Variants in TMEM156 observed in about 807,000 individuals in gnomAD.
The protein encoded by TMEM156 is transmembrane protein 156.
TMEM156 carries 28 observed loss-of-function variants against 30.5 expected under a neutral mutation model. The ratio of observed to expected loss-of-function variants is 0.92; its 90% CI spans 0.68 to 1.26. The LOEUF is 1.26. TMEM156 is among the 50% of genes most tolerant of loss of function. The pLI is 0.00. For synonymous variants in TMEM156, 137 were observed against 119.9 expected, an observed-to-expected ratio of 1.14 and a Z score of -0.93; for missense variants, 351 against 340.6, an observed-to-expected ratio of 1.03 and a Z score of -0.24.
intron 2 of TMEM156, among the ~76,000 whole-genome samples, chr4:38,996,780 C>T (rs576455317): frequency 6.6e-6 from 1 of 152,198 alleles, no homozygotes; most frequent in East Asian, 1.9e-4. Context: ...ATCAGCATCC[C>T]GAAGACACAA....
At position 38,973,957 on chromosome 4, in the gene TMEM156, T is replaced by A. The variant is rs565706335; in HGVS notation, c.824-2820A>T. On this transcript the variant is annotated intron_variant, in intron 5 of 6. Transcript: ENST00000381938. ...ATGCATTTTTAGTATAACCAACCAT[T>A]TATCTCTTTACATCTATAAATATGA... Among the ~76,000 whole-genome samples the A allele has an allele frequency of 4.6e-5, 7 of 152,258 alleles. No individual in the cohort carries two copies. In the South Asian group the frequency reaches 1.2e-3, roughly 27 times the overall value.
intron 1 of TMEM156, among the ~76,000 whole-genome samples, chr4:39,027,758 C>CTTTTTTT (rs112766367): frequency 3.3e-5 from 4 of 120,788 alleles, no homozygotes; most frequent in South Asian, 2.6e-4. Flanking sequence ...TTTTCTTTTT[C>CTTTTTTT]TTTTTTTTTT....
intron 5 of TMEM156, among the ~76,000 whole-genome samples, chr4:38,972,503 G>A (rs1038762304): frequency 6.7e-6 from 1 of 150,226 alleles, no homozygotes; most frequent in Non-Finnish European, 1.5e-5. Context: ...CACCTGCCTC[G>A]GCCTCCCAAA....
intron 5 of TMEM156, among the ~76,000 whole-genome samples, chr4:38,979,621 T>C (rs1233414823): frequency 6.6e-6 from 1 of 152,214 alleles, no homozygotes; most frequent in East Asian, 1.9e-4. Flanking sequence ...ATGATGTCCC[T>C]AGCTCCTTCT....
rs187611317 is a variant in TMEM156, at chr4:38,991,065, C to T, written c.620-2095G>A. ...AGTCAGGCTGGTCTCGAACTCTTGACCCCAAGTGATCCACCCACCTTGGCC... is the reference window on the plus strand; with the variant it reads ...AGTCAGGCTGGTCTCGAACTCTTGATCCCAAGTGATCCACCCACCTTGGCC... On this transcript the variant is annotated intron_variant, in intron 3 of 6. Coordinates refer to ENST00000381938, the MANE Select transcript of TMEM156 (RefSeq NM_024943.3). Among the ~76,000 whole-genome samples the T allele has an allele frequency of 9.2e-4, 140 of 151,530 alleles. 2 individuals are homozygous for T. The highest frequency in any genetic ancestry group is 3.3e-3 in the African/African-American group (137 of 41,362).
intron 5 of TMEM156, among the ~76,000 whole-genome samples, chr4:38,979,412 G>A (rs1252605537): frequency 6.6e-6 from 1 of 152,228 alleles, no homozygotes; most frequent in Non-Finnish European, 1.5e-5. Context: ...AGGCTAAAAG[G>A]AGGAAAATAA....
rs1254028670 is a variant in TMEM156 at position 38,993,924 on chromosome 4, C to T, written c.433G>A (p.Val145Ile). ...TCCAAGTGGTCAACCAGAGGAGCTA[C>T]ACTGAAGTTAAAGTGCTGACAAGGT... is the stretch of plus-strand genomic sequence containing the variant. Reference protein sequence around the residue: ...HSPCQHFNFSVAPLVDHLEEY... With the variant: ...HSPCQHFNFSIAPLVDHLEEY... The change falls in exon 3 of 7, where the codon GTA becomes ATA. Residue 145 changes from valine to isoleucine, a missense_variant. Physicochemically the swap from Val to Ile is conservative, Grantham distance 29. Coordinates refer to ENST00000381938, the MANE Select transcript of TMEM156 (RefSeq NM_024943.3). 1 of 1,614,096 alleles carries T rather than the reference C, an allele frequency of 6.2e-7. No individual in the cohort carries two copies. The highest frequency in any genetic ancestry group is 8.5e-7 in the Non-Finnish European group (1 of 1,179,984).
chr4:38,982,107 G>A (rs540604063), intron 5 of TMEM156, among the ~76,000 whole-genome samples: 73 of 152,290 alleles, frequency 4.8e-4, no homozygotes, highest in Non-Finnish European at 7.6e-4. Flanking sequence ...AATCAGCAGC[G>A]ATGGAGGCCA....
chr4:38,971,043 A>T lies in TMEM156; in HGVS notation c.*27T>A. 6.2e-7 allele frequency: 1 copy of T among 1,602,252 alleles called. No individual in the cohort carries two copies. The highest frequency in any genetic ancestry group is 2.2e-5 in the East Asian group (1 of 44,764). On this transcript the variant is annotated 3_prime_UTR_variant, in exon 6 of 7. Coordinates refer to ENST00000381938, the MANE Select transcript of TMEM156 (RefSeq NM_024943.3). ...GAATCATCACTCACCGTGTATATTG[A>T]TCTCACTGATGCACTGTGGAAGTAA...
intron 1 of TMEM156, among the ~76,000 whole-genome samples, chr4:39,026,921 T>C (rs1280147364): frequency 1.3e-5 from 2 of 152,108 alleles, no homozygotes; most frequent in Non-Finnish European, 1.5e-5. Context: ...AGTAAGCTGT[T>C]GTCTCAAAAA....
chr4:38,993,711 T>A (rs1712707052), intron 3 of TMEM156, 27 bp downstream of exon 3: 2 of 1,597,306 alleles, frequency 1.3e-6, no homozygotes, highest in African/African-American at 2.7e-5. Context: ...ATAACTCCTT[T>A]TCCCTTTAGT....
Position 38,976,012 on chromosome 4 carries a change from C to T in TMEM156, c.824-4875G>A, listed in dbSNP as rs7656818. Among the ~76,000 whole-genome samples the T allele has an allele frequency of 4.6e-5, 7 of 151,928 alleles. No homozygotes were observed. The South Asian group carries it at 1.2e-3, about 27-fold the overall frequency. ...TTAAAGAAGCAAACTGCAGGCTGGGCGCAGTGGCTCACGACTGTAATCCCA... is the reference window on the plus strand; with the variant it reads ...TTAAAGAAGCAAACTGCAGGCTGGGTGCAGTGGCTCACGACTGTAATCCCA... On this transcript the variant is annotated intron_variant, in intron 5 of 6. Transcript: ENST00000381938.
At position 38,994,812 on chromosome 4, in the gene TMEM156, G is replaced by T. The variant is rs544778250; in HGVS notation, c.359-814C>A. ...AAAATACAAAAATTAGCCAGGCGTG[G>T]TGATGTGTGCCTGCAGGTGTAGCTA... On this transcript the variant is annotated intron_variant, in intron 2 of 6. Transcript: ENST00000381938. Among the ~76,000 whole-genome samples the T allele has an allele frequency of 2.0e-5, 3 of 152,250 alleles. No homozygotes were observed. The East Asian group carries it at 5.8e-4, about 29-fold the overall frequency.
chr4:38,988,611 C>T (rs1208327743), intron 4 of TMEM156, among the ~76,000 whole-genome samples: 5 of 151,720 alleles, frequency 3.3e-5, no homozygotes, highest in Non-Finnish European at 4.4e-5. Context: ...ATGTCCAGCT[C>T]ATCAGCTTCT....
At chr4:39,002,886 G>A (rs937251420) in intron 1 of TMEM156, among the ~76,000 whole-genome samples, 13 of 151,924 alleles carry the variant, frequency 8.6e-5, no homozygotes, top group African/African-American at 2.4e-5. Context: ...GCCTGTTGTG[G>A]GGGGGTGGAC....
At chr4:38,994,603 C>G (rs1319331082) in intron 2 of TMEM156, among the ~76,000 whole-genome samples, 1 of 152,102 alleles carries the variant, frequency 6.6e-6, no homozygotes. Context: ...CCACACTGTA[C>G]TAGTTTTTTA....
At chr4:38,992,847 C>T (rs141203126) in intron 3 of TMEM156, among the ~76,000 whole-genome samples, 53,141 of 147,986 alleles carry the variant, frequency 0.36, 10,187 homozygotes, top group East Asian at 0.65. Flanking sequence ...CTGTAACCTC[C>T]GCCTCCCGGA....
intron 2 of TMEM156, among the ~76,000 whole-genome samples, chr4:38,996,978 TAG>T (rs975212001): frequency 4.7e-4 from 71 of 152,274 alleles, no homozygotes; most frequent in Non-Finnish European, 9.0e-4. Context: ...GAAAATGTAA[TAG>T]ACATAGCTAG....
In TMEM156 at chr4:38,999,717, A is replaced by C. The variant is rs1713203607; in HGVS notation, c.89-808T>G. 3.3e-5 allele frequency among the ~76,000 whole-genome samples: 5 copies of C among 152,194 alleles called. No individual in the cohort carries two copies. The South Asian group carries it at 1.0e-3, about 32-fold the overall frequency. ...ACTACCTCTGGAGGTTCTAGGGAAG[A>C]ATCTGTTCCTTGGCCCTCTGGTGGC... On this transcript the variant is annotated intron_variant, in intron 1 of 6. Coordinates refer to ENST00000381938, the MANE Select transcript of TMEM156 (RefSeq NM_024943.3).
Sources: gnomAD v4.1 joint callset for allele counts (sites outside exome capture counted in the v4.1 genomes callset) on GRCh38, gnomAD v4.1.1 for gene constraint, MANE v1.5 for transcripts, NCBI Gene and HGNC (gene_info 2026-07-23, HGNC 2026-07-21) for gene names.